Variants in MTSS1 observed in about 807,000 individuals in gnomAD.
The protein encoded by MTSS1 is MTSS I-BAR domain containing 1.
MTSS1 carries 18 observed loss-of-function variants against 79.0 expected under a neutral mutation model. The ratio of observed to expected loss-of-function variants is 0.23; its 90% CI spans 0.16 to 0.34. MTSS1 has a LOEUF of 0.34. Ranked by LOEUF, MTSS1 falls within the 10% of genes least tolerant of loss-of-function variation. MTSS1 has a pLI of 1.00. For missense variants in MTSS1, 815 were observed against 986.2 expected (o/e 0.83, Z 2.33); for synonymous variants, 341 against 368.6 (o/e 0.93, Z 0.86).
intron 3 of MTSS1, among the ~76,000 whole-genome samples, chr8:124,650,366 CCTGTTGCTTCAACTGA>C (rs1369266506): frequency 6.6e-6 from 1 of 152,126 alleles, no homozygotes; most frequent in Non-Finnish European, 1.5e-5. Context: ...AAACCACACT[CCTGTTGCTTCAACTGA>C]CTTGACACCC....
intron 3 of MTSS1, among the ~76,000 whole-genome samples, chr8:124,596,709 T>C (rs756825703): frequency 6.6e-6 from 1 of 152,172 alleles, no homozygotes; most frequent in Non-Finnish European, 1.5e-5. Flanking sequence ...GGCAGGGCCG[T>C]GCTCCCTCTA....
At chr8:124,585,237 ACATTT>A (rs1830653194) in intron 5 of MTSS1, 76 bp from the exon 6 acceptor site, 2 of 1,026,072 alleles carry the variant, frequency 1.9e-6, no homozygotes, top group African/African-American at 3.2e-5. Context: ...AACAGCCATT[ACATTT>A]ATCACAGAAA....
At chr8:124,618,066 C>T (rs1284667837) in intron 3 of MTSS1, among the ~76,000 whole-genome samples, 1 of 152,140 alleles carries the variant, frequency 6.6e-6, no homozygotes, top group East Asian at 1.9e-4. Flanking sequence ...TACCTAAATA[C>T]TTCCTATAAT....
intron 2 of MTSS1, among the ~76,000 whole-genome samples, chr8:124,703,217 A>G (rs1003756327): frequency 2.6e-5 from 4 of 152,272 alleles, no homozygotes; most frequent in African/African-American, 7.2e-5. Flanking sequence ...ACATCTCTCT[A>G]AAGATATGCT....
Position 124,589,613 on chromosome 8 carries a change from C to T in MTSS1, c.385+7G>A. 4.3e-6 allele frequency: 7 copies of T among 1,611,676 alleles called. No homozygotes were observed. The highest frequency in any genetic ancestry group is 5.9e-6 in the Non-Finnish European group (7 of 1,178,744). On this transcript the variant is annotated splice_region_variant and intron_variant, in intron 5 of 13. Coordinates refer to ENST00000518547, the MANE Select transcript of MTSS1 (RefSeq NM_014751.6). ...GCAGTGATGCGCTAGACATCTCGCC[C>T]CTGTACCTTTTGCGTGGTCTTTATC...
In MTSS1 at chr8:124,634,089, CTTAT is replaced by C. The variant is rs144784872; in HGVS notation, c.209-42858_209-42855del. ...AGGAAGGATAAAATATAGACCAGTC[CTTAT>C]TTATTTATTTATTTTTAATTTTTTT... is the stretch of plus-strand genomic sequence containing the variant. On this transcript the variant is annotated intron_variant, in intron 3 of 13. Transcript: ENST00000518547. Among the ~76,000 whole-genome samples, 465 of 151,120 alleles carry C rather than the reference CTTAT, an allele frequency of 3.1e-3. 4 individuals are homozygous for C. The highest frequency in any genetic ancestry group is 5.4e-3 in the South Asian group (26 of 4,804).
At chr8:124,690,358 C>G (rs1313251418) in intron 3 of MTSS1, among the ~76,000 whole-genome samples, 1 of 152,228 alleles carries the variant, frequency 6.6e-6, no homozygotes, top group Non-Finnish European at 1.5e-5. Context: ...GCAGGACAGA[C>G]ACACATGCTT....
chr8:124,562,094 G>A (rs540935670), intron 10 of MTSS1, among the ~76,000 whole-genome samples: 197 of 152,280 alleles, frequency 1.3e-3, no homozygotes, highest in African/African-American at 4.6e-3. Context: ...GACACTAAGG[G>A]AGAGAGGACA....
At chr8:124,704,512 C>A (rs1157197165) in intron 1 of MTSS1, among the ~76,000 whole-genome samples, 2 of 152,164 alleles carry the variant, frequency 1.3e-5, no homozygotes, top group African/African-American at 4.8e-5. Flanking sequence ...CACCCTGAAC[C>A]ACTTGTTCAT....
chr8:124,622,516 T>G (rs367632522), intron 3 of MTSS1, among the ~76,000 whole-genome samples: 7 of 146,342 alleles, frequency 4.8e-5, no homozygotes, highest in African/African-American at 1.8e-4. Context: ...GGTAAATGAC[T>G]GGGTGCAGTG....
At chr8:124,665,048 T>C (rs1382611136) in intron 3 of MTSS1, among the ~76,000 whole-genome samples, 1 of 151,980 alleles carries the variant, frequency 6.6e-6, no homozygotes, top group African/African-American at 2.4e-5. Flanking sequence ...GAAATAAGCA[T>C]TTTTTTTATC....
intron 3 of MTSS1, among the ~76,000 whole-genome samples, chr8:124,663,298 G>A (rs1822442451): frequency 6.6e-6 from 1 of 152,094 alleles, no homozygotes; most frequent in Non-Finnish European, 1.5e-5. Flanking sequence ...CACAGCCTTG[G>A]AGCCCCTTTG....
intron 8 of MTSS1, among the ~76,000 whole-genome samples, chr8:124,566,632 T>C (rs1419709300): frequency 6.6e-6 from 1 of 152,152 alleles, no homozygotes; most frequent in South Asian, 2.1e-4. Flanking sequence ...TGGAGAATGG[T>C]TGACAGTGTC....
At chr8:124,698,506 CTTT>C (rs148481676) in intron 3 of MTSS1, among the ~76,000 whole-genome samples, 3 of 124,766 alleles carry the variant, frequency 2.4e-5, no homozygotes, top group African/African-American at 3.1e-5. Flanking sequence ...TGTTGCTTTT[CTTT>C]TTTTTTTTTT....
At chr8:124,570,490 T>C (rs1267647339) in intron 6 of MTSS1, among the ~76,000 whole-genome samples, 2 of 152,216 alleles carry the variant, frequency 1.3e-5, no homozygotes, top group African/African-American at 4.8e-5. Flanking sequence ...ATTGTTATAA[T>C]TGTTCTATTA....
chr8:124,727,410 C>T lies in MTSS1; in HGVS notation c.72+474G>A, dbSNP rs1029772896. ...GACAGCCAAGGAGGGACTGGCTTTC[C>T]CTCTCAGTCTCCTAGGCTAGGGGAC... is the stretch of plus-strand genomic sequence containing the variant. On this transcript the variant is annotated intron_variant, in intron 1 of 13. Transcript: ENST00000518547. The surrounding 1 kb of genome is among the most constrained non-coding windows in gnomAD (Gnocchi z 4.7). Among the ~76,000 whole-genome samples the T allele has an allele frequency of 3.3e-5, 5 of 152,156 alleles. No homozygotes were observed. Among genetic ancestry groups the T allele is most frequent in the Admixed American group, 2.6e-4 (4 of 15,280 alleles).
At chr8:124,584,148 C>T (rs2132509523) in intron 6 of MTSS1, among the ~76,000 whole-genome samples, 1 of 152,342 alleles carries the variant, frequency 6.6e-6, no homozygotes, top group South Asian at 2.1e-4. Context: ...CCACCCTCCA[C>T]AATCCCATCT....
intron 3 of MTSS1, among the ~76,000 whole-genome samples, chr8:124,665,128 C>T (rs1822816903): frequency 6.6e-6 from 1 of 152,038 alleles, no homozygotes; most frequent in Non-Finnish European, 1.5e-5. Context: ...ATGTTTGTAC[C>T]AGATAATCTG....
At position 124,727,596 on chromosome 8, in the gene MTSS1, G is replaced by A. The variant is rs1468706123; in HGVS notation, c.72+288C>T. On this transcript the variant is annotated intron_variant, in intron 1 of 13. Coordinates refer to ENST00000518547, the MANE Select transcript of MTSS1 (RefSeq NM_014751.6). The surrounding 1 kb of genome is among the most constrained non-coding windows in gnomAD (Gnocchi z 4.7). Reference sequence around the variant, plus strand: ...GACAATGGGAAAACTTGCAGCCAGTGCCTTGAGCCCCCGAGGGAAAGAAAT... The same window carrying A: ...GACAATGGGAAAACTTGCAGCCAGTACCTTGAGCCCCCGAGGGAAAGAAAT... 1.7e-6 allele frequency: 1 copy of A among 586,746 alleles called. No homozygotes were observed. Among genetic ancestry groups the A allele is most frequent in the South Asian group, 1.5e-5 (1 of 65,790 alleles). The allele number at this position is 586,746 out of a possible 1,614,324, so 36.3% of individuals were successfully genotyped here. A position where few individuals can be genotyped will look rare whatever the true frequency, so the allele number is the denominator to read the frequency against.
Sources: gnomAD v4.1 joint callset for allele counts (sites outside exome capture counted in the v4.1 genomes callset) on GRCh38, gnomAD v4.1.1 for gene constraint, Gnocchi (gnomAD v3.1) non-coding constraint, MANE v1.5 for transcripts, NCBI Gene and HGNC (gene_info 2026-07-23, HGNC 2026-07-21) for gene names.